Variants in SLC30A8 observed in about 807,000 individuals in gnomAD.
The protein encoded by SLC30A8 is proton-coupled zinc antiporter SLC30A8.
A neutral mutation model predicts 36.9 loss-of-function variants in SLC30A8; 27 were observed. That is an observed-to-expected ratio of 0.73 (90% CI 0.54 to 1.01). The LOEUF (loss-of-function observed/expected upper bound fraction) is 1.01, where lower values mean the gene tolerates loss of function less well. Among genes scored for constraint, SLC30A8 ranks in the 50% least tolerant of loss-of-function variants. The pLI is 0.00. For synonymous variants in SLC30A8, 164 were observed against 172.4 expected (o/e 0.95, Z 0.38); for missense variants, 439 against 452.0 (o/e 0.97, Z 0.26).
chr8:117,008,495 C>G (rs892683266), intron 1 of SLC30A8, among the ~76,000 whole-genome samples: 3 of 152,092 alleles, frequency 2.0e-5, no homozygotes, highest in African/African-American at 7.2e-5. Context: ...GTACCTGCCC[C>G]CAAAGTCCTA....
chr8:117,140,443 A>G (rs372514216), intron 1 of SLC30A8, among the ~76,000 whole-genome samples: 33 of 152,200 alleles, frequency 2.2e-4, no homozygotes, highest in African/African-American at 7.0e-4. Flanking sequence ...ACATGCTTGC[A>G]CATTACAGTA....
chr8:116,958,491 A>G (rs1814297843), intron 1 of SLC30A8, among the ~76,000 whole-genome samples: 1 of 152,158 alleles, frequency 6.6e-6, no homozygotes, highest in African/African-American at 2.4e-5. Flanking sequence ...TGCTTTAAAG[A>G]TGATTCTTCA....
chr8:117,005,869 G>A (rs934836279), intron 1 of SLC30A8, among the ~76,000 whole-genome samples: 3 of 152,070 alleles, frequency 2.0e-5, no homozygotes, highest in Non-Finnish European at 2.9e-5. Flanking sequence ...ATTTCACTTG[G>A]CAATAGATTT....
intron 1 of SLC30A8, among the ~76,000 whole-genome samples, chr8:116,955,732 A>G (rs1486173786): frequency 2.6e-5 from 4 of 152,038 alleles, no homozygotes; most frequent in South Asian, 4.2e-4. Flanking sequence ...CAAAAAAAAA[A>G]AAATAAAAAA....
intron 2 of SLC30A8, among the ~76,000 whole-genome samples, chr8:117,091,348 T>C (rs1819117314): frequency 6.6e-6 from 1 of 152,072 alleles, no homozygotes; most frequent in Admixed American, 6.5e-5. Context: ...CATAGTTTCC[T>C]GTACAGAATC....
At chr8:117,068,819 C>T (rs899889067) in intron 2 of SLC30A8, among the ~76,000 whole-genome samples, 2 of 152,032 alleles carry the variant, frequency 1.3e-5, no homozygotes, top group Admixed American at 6.6e-5. Flanking sequence ...TCAAGTGATC[C>T]GCTCAACTTG....
chr8:117,165,731 G>A (rs906272194), intron 6 of SLC30A8, among the ~76,000 whole-genome samples: 13 of 152,106 alleles, frequency 8.5e-5, no homozygotes, highest in African/African-American at 3.1e-4. Flanking sequence ...TGCAACCTAG[G>A]TGTCCAACAA....
intron 2 of SLC30A8, among the ~76,000 whole-genome samples, chr8:117,116,574 G>A (rs1430925979): frequency 6.6e-6 from 1 of 151,818 alleles, no homozygotes; most frequent in Non-Finnish European, 1.5e-5. Context: ...CATAATTTTG[G>A]GTACTAATTT....
intron 1 of SLC30A8, among the ~76,000 whole-genome samples, chr8:116,983,139 T>A (rs2130646866): frequency 6.6e-6 from 1 of 152,310 alleles, no homozygotes; most frequent in Admixed American, 6.5e-5. Context: ...TCTATTTTAG[T>A]AGTGTGTACT....
chr8:116,951,611 C>T (rs1813994249), intron 1 of SLC30A8, among the ~76,000 whole-genome samples: 1 of 151,810 alleles, frequency 6.6e-6, no homozygotes, highest in African/African-American at 2.4e-5. Flanking sequence ...GCCGTCTAGA[C>T]TACAAGCAAC....
intron 1 of SLC30A8, among the ~76,000 whole-genome samples, chr8:117,008,758 G>A (rs971121658): frequency 6.6e-6 from 1 of 152,192 alleles, no homozygotes; most frequent in Admixed American, 6.5e-5. Flanking sequence ...GTCATGCTTT[G>A]TGTAGCCCAG....
At chr8:116,988,502 C>T (rs1586366264) in intron 1 of SLC30A8, among the ~76,000 whole-genome samples, 1 of 152,254 alleles carries the variant, frequency 6.6e-6, no homozygotes, top group Admixed American at 6.5e-5. Flanking sequence ...GCTTTGGCCC[C>T]GTTCACATAA....
chr8:117,172,918 G>C lies in SLC30A8; in HGVS notation c.*237G>C. 2 of 521,090 alleles carry C rather than the reference G, an allele frequency of 3.8e-6. No homozygotes were observed. The highest frequency in any genetic ancestry group is 6.8e-6 in the Non-Finnish European group (2 of 295,462). The allele number at this position is 521,090 out of a possible 1,614,324, so 32.3% of individuals were successfully genotyped here. A position where few individuals can be genotyped will look rare whatever the true frequency, so the allele number is the denominator to read the frequency against. ...GTTCAATTGCAGGAATGTGTATATAGATTATTCCTGAGTGGAGCCGAAGTA... is the reference window on the plus strand; with the variant it reads ...GTTCAATTGCAGGAATGTGTATATACATTATTCCTGAGTGGAGCCGAAGTA... On this transcript the variant is annotated 3_prime_UTR_variant, in exon 8 of 8. Transcript: ENST00000456015.
intron 3 of SLC30A8, among the ~76,000 whole-genome samples, chr8:117,155,746 G>A (rs916346233): frequency 5.9e-5 from 9 of 152,134 alleles, no homozygotes; most frequent in African/African-American, 2.2e-4. Flanking sequence ...GTCTGCAATC[G>A]GGCGTCAGTG....
chr8:117,128,311 T>G (rs1424056760), intron 2 of SLC30A8: 1 of 151,700 alleles, frequency 6.6e-6, no homozygotes, highest in East Asian at 1.9e-4. Context: ...GGACTAGGAG[T>G]TTCCTAGCAG....
rs149110484 is a variant in SLC30A8, at chr8:117,088,530, G to T, written c.-225-46750G>T. 3.8e-4 allele frequency among the ~76,000 whole-genome samples: 58 copies of T among 152,132 alleles called. No individual in the cohort carries two copies. The South Asian group carries it at 0.012, about 32-fold the overall frequency. On this transcript the variant is annotated intron_variant, in intron 2 of 10. Transcript: ENST00000427715. ...CTCTCAAGTTCCGACAGTGAAAAACGTGCACATCTCCCTCATCTCCCATTT... is the reference window on the plus strand; with the variant it reads ...CTCTCAAGTTCCGACAGTGAAAAACTTGCACATCTCCCTCATCTCCCATTT...
intron 2 of SLC30A8, among the ~76,000 whole-genome samples, chr8:117,055,134 G>A (rs1360939207): frequency 4.6e-5 from 7 of 152,156 alleles, no homozygotes; most frequent in Non-Finnish European, 1.0e-4. Context: ...GAAAGTGCGG[G>A]GTTACCAGTC....
At chr8:117,127,625 A>C (rs1820960575) in intron 2 of SLC30A8, among the ~76,000 whole-genome samples, 1 of 151,812 alleles carries the variant, frequency 6.6e-6, no homozygotes, top group Admixed American at 6.6e-5. Context: ...ACAATGTTAT[A>C]AGTTTGTATC....
intron 1 of SLC30A8, among the ~76,000 whole-genome samples, chr8:117,002,195 A>G (rs1030565879): frequency 2.0e-5 from 3 of 152,350 alleles, no homozygotes; most frequent in Non-Finnish European, 2.9e-5. Context: ...GTAGCTGTCA[A>G]TTGAGAAAGT....
Sources: gnomAD v4.1 joint callset for allele counts (sites outside exome capture counted in the v4.1 genomes callset) on GRCh38, gnomAD v4.1.1 for gene constraint, MANE v1.5 for transcripts, NCBI Gene and HGNC (gene_info 2026-07-23, HGNC 2026-07-21) for gene names.